Variants in DMD observed in about 807,000 individuals in gnomAD.
The protein encoded by DMD is dystrophin.
In DMD, 63 loss-of-function variants were observed where a neutral mutation model predicts 330.1. That is an observed-to-expected ratio of 0.19 (90% CI 0.16 to 0.24). The LOEUF (loss-of-function observed/expected upper bound fraction) is 0.24, where lower values mean the gene tolerates loss of function less well. Among genes scored for constraint, DMD ranks in the 10% least tolerant of loss-of-function variants. The pLI is 1.00. For missense variants in DMD, 3,344 were observed against 2,684.1 expected (o/e 1.25, Z -5.43); for synonymous variants, 1,223 against 959.8 (o/e 1.27, Z -5.07).
intron 9 of DMD, among the ~76,000 whole-genome samples, chrX:32,676,861 G>A (rs1015056746): frequency 1.8e-5 from 2 of 111,089 alleles, no homozygotes; most frequent in African/African-American, 3.3e-5. Flanking sequence ...ATCATTGTCC[G>A]TAATTAGAAT....
At chrX:32,237,012 CTA>C (rs1177532097) in intron 43 of DMD, among the ~76,000 whole-genome samples, 1 of 111,155 alleles carries the variant, frequency 9.0e-6, no homozygotes, top group Non-Finnish European at 1.9e-5. Flanking sequence ...CTATCTGAGC[CTA>C]TGTCTTTTCT....
At chrX:33,306,237 C>T (rs1451351415) in intron 1 of DMD, among the ~76,000 whole-genome samples, 1 of 111,795 alleles carries the variant, frequency 8.9e-6, no homozygotes, top group Non-Finnish European at 1.9e-5. Context: ...TGCTTGAATA[C>T]TTACTATGAA....
chrX:31,501,636 G>C (rs1264647596), intron 56 of DMD, among the ~76,000 whole-genome samples: 1 of 111,646 alleles, frequency 9.0e-6, no homozygotes. Flanking sequence ...GAATTATAGG[G>C]GCTGATAAAG....
At chrX:32,569,691 A>T (rs1196846435) in intron 15 of DMD, among the ~76,000 whole-genome samples, 1 of 111,571 alleles carries the variant, frequency 9.0e-6, no homozygotes, top group African/African-American at 3.3e-5. Context: ...TTGCTCAGTT[A>T]CCATGAGCAC....
At chrX:32,291,985 C>G (rs2097472381) in intron 42 of DMD, among the ~76,000 whole-genome samples, 1 of 111,073 alleles carries the variant, frequency 9.0e-6, no homozygotes, top group Non-Finnish European at 1.9e-5. Flanking sequence ...CTCCAAGAGC[C>G]CTTTGATTAC....
At chrX:32,327,665 G>T (rs1603630832) in intron 41 of DMD, among the ~76,000 whole-genome samples, 2 of 110,951 alleles carry the variant, frequency 1.8e-5, no homozygotes. Context: ...TCCTAAAATA[G>T]CTTGTTCTCT....
intron 12 of DMD, among the ~76,000 whole-genome samples, chrX:32,601,768 G>A (rs755834636): frequency 1.8e-5 from 2 of 109,963 alleles, no homozygotes; most frequent in South Asian, 7.9e-4. Context: ...TTCCTAATTT[G>A]TAAAACTAAG....
At chrX:33,129,538 C>G (rs1333886299) in intron 1 of DMD, among the ~76,000 whole-genome samples, 4 of 107,249 alleles carry the variant, frequency 3.7e-5, no homozygotes, top group Non-Finnish European at 7.7e-5. Flanking sequence ...AAAAAAAACC[C>G]ACACCTTGTT....
At chrX:31,516,546 G>A (rs1237311275) in intron 55 of DMD, among the ~76,000 whole-genome samples, 2 of 111,814 alleles carry the variant, frequency 1.8e-5, no homozygotes, top group Non-Finnish European at 3.8e-5. Flanking sequence ...TTAATTTGAG[G>A]ACTGCTGTTT....
chrX:31,508,414 C>T (rs978395722), intron 55 of DMD: 11 of 411,519 alleles, frequency 2.7e-5, no homozygotes, highest in South Asian at 1.1e-4. Context: ...CTTTGTACTC[C>T]GCACTAAACA....
chrX:32,825,320 C>T (rs985528580), intron 4 of DMD, among the ~76,000 whole-genome samples: 1 of 111,031 alleles, frequency 9.0e-6, no homozygotes, highest in Admixed American at 9.6e-5. Flanking sequence ...AGACTTGTCA[C>T]TGTGTAAGCA....
intron 30 of DMD, among the ~76,000 whole-genome samples, chrX:32,403,826 G>C (rs1260601538): frequency 9.0e-6 from 1 of 111,498 alleles, no homozygotes; most frequent in East Asian, 2.8e-4. Context: ...CAAATCTCTG[G>C]GTTAGTTCTC....
At chrX:32,143,709 ATT>A (rs752110896) in intron 44 of DMD, among the ~76,000 whole-genome samples, 1 of 99,289 alleles carries the variant, frequency 1.0e-5, no homozygotes, top group African/African-American at 3.7e-5. Flanking sequence ...CGCATGGCTA[ATT>A]TTTTTTTTTT....
chrX:33,117,991 T>C (rs2095398045), intron 1 of DMD, among the ~76,000 whole-genome samples: 1 of 111,472 alleles, frequency 9.0e-6, no homozygotes, highest in South Asian at 3.7e-4. Flanking sequence ...TCATTAGTCA[T>C]GGAGTCCTAA....
At chrX:31,723,746 T>C (rs2085780049) in intron 52 of DMD, among the ~76,000 whole-genome samples, 1 of 109,498 alleles carries the variant, frequency 9.1e-6, no homozygotes, top group Middle Eastern at 4.2e-3. Flanking sequence ...ATTCCTGAAA[T>C]ACCCTTCCCT....
chrX:31,497,050 C>A, intron 56 of DMD, 106 bp from the exon 57 acceptor site: 2 of 997,288 alleles, frequency 2.0e-6, no homozygotes, highest in Admixed American at 2.7e-5. Context: ...AACTACAAAG[C>A]AGTCTTGAAT....
intron 43 of DMD, among the ~76,000 whole-genome samples, chrX:32,270,819 A>G (rs1411905428): frequency 9.0e-6 from 1 of 111,326 alleles, no homozygotes; most frequent in East Asian, 2.8e-4. Context: ...ATCAGAGATT[A>G]CTCAAAGTAG....
intron 1 of DMD, among the ~76,000 whole-genome samples, chrX:33,032,516 T>C (rs1372550798): frequency 8.9e-6 from 1 of 112,138 alleles, no homozygotes; most frequent in Non-Finnish European, 1.9e-5. Context: ...GAGGGTTGTA[T>C]TCCATCATTA....
At chrX:33,272,150 C>T (rs946349317) in intron 1 of DMD, among the ~76,000 whole-genome samples, 1 of 112,515 alleles carries the variant, frequency 8.9e-6, no homozygotes, top group African/African-American at 3.2e-5. Flanking sequence ...TCCCAAAGTG[C>T]TGGGATTACA....
Sources: gnomAD v4.1 joint callset for allele counts (sites outside exome capture counted in the v4.1 genomes callset) on GRCh38, gnomAD v4.1.1 for gene constraint, MANE v1.5 for transcripts, NCBI Gene and HGNC (gene_info 2026-07-23, HGNC 2026-07-21) for gene names.